The following TMC6 variants were observed in gnomAD, a reference collection of about 807,000 sequenced individuals.
TMC6 encodes the protein transmembrane channel like 6, also known as transmembrane channel-like protein 6.
In TMC6, 71 loss-of-function variants were observed where a neutral mutation model predicts 95.4. The ratio of observed to expected loss-of-function variants is 0.74; its 90% confidence interval spans 0.61 to 0.91. The LOEUF is 0.91. TMC6 is among the 40% of genes least tolerant of loss of function. The probability of loss-of-function intolerance (pLI) is 0.00; values close to 1 mark genes in which losing one functional copy is unlikely to be tolerated. For synonymous variants in TMC6, 514 were observed against 483.1 expected, an observed-to-expected ratio of 1.06 and a Z score of -0.84; for missense variants, 1,074 against 1,079.1, an observed-to-expected ratio of 1.00 and a Z score of 0.07.
At chr17:78,116,633 C>A (rs1424021877) in intron 18 of TMC6, among the ~76,000 whole-genome samples, 2 of 152,088 alleles carry the variant, frequency 1.3e-5, no homozygotes, top group African/African-American at 4.8e-5. Flanking sequence ...TGCCTATAAT[C>A]CTAGCACTTT....
rs1262568463 is a variant in TMC6, at chr17:78,120,645, C to A, written c.1715+8G>T. 6.2e-6 allele frequency: 10 copies of A among 1,613,910 alleles called. No homozygotes were observed. Among genetic ancestry groups the A allele is most frequent in the Non-Finnish European group, 5.9e-6 (7 of 1,180,024 alleles). ...ACTCACCACCCAGTCCGCCCAGGACCCCCTCACCTCCACACCAGTTCCCCA... is the reference window on the plus strand; with the variant it reads ...ACTCACCACCCAGTCCGCCCAGGACACCCTCACCTCCACACCAGTTCCCCA... On this transcript the variant is annotated splice_region_variant and intron_variant, in intron 13 of 19. Coordinates refer to ENST00000590602, the MANE Select transcript of TMC6 (RefSeq NM_001127198.5).
chr17:78,126,319 C>A lies in TMC6; in HGVS notation c.229G>T (p.Ala77Ser). The A allele has an allele frequency of 1.3e-6, 2 of 1,573,172 alleles. No homozygotes were observed. Among genetic ancestry groups the A allele is most frequent in the Non-Finnish European group, 8.6e-7 (1 of 1,164,012 alleles). ...ATGCTGGCCAGGATGCGGAGTGTGGCCGTGCTCTGGGTGCCCTCGGGCCGC... is the reference window on the plus strand; with the variant it reads ...ATGCTGGCCAGGATGCGGAGTGTGGACGTGCTCTGGGTGCCCTCGGGCCGC... ...LWRPEGTQST[A>S]TLRILASMPS... The change falls in exon 4 of 20, where the codon GCC (alanine) becomes TCC (serine). Residue 77 changes from alanine to serine, a missense_variant. Ala to Ser is a moderately conservative substitution (Grantham distance 99). Transcript: ENST00000590602.
chr17:78,132,093 AAAAGGAG>A, upstream of TMC6: 3 of 1,533,188 alleles, frequency 2.0e-6, no homozygotes, highest in Non-Finnish European at 2.6e-6. Context: ...CCAGATCGGA[AAAAGGAG>A]AGTGGCATCA....
At chr17:78,119,161 G>A in intron 14 of TMC6, 115 bp from the exon 15 acceptor site, 2 of 1,494,956 alleles carry the variant, frequency 1.3e-6, no homozygotes, top group Non-Finnish European at 9.3e-7. Context: ...AGTCCCCGGG[G>A]TTAGGGTCTG....
At position 78,113,973 on chromosome 17, in the gene TMC6, GATA is replaced by G. The variant is rs1473324637; in HGVS notation, c.2278-352_2278-350del. 1.3e-5 allele frequency: 5 copies of G among 377,344 alleles called. No homozygotes were observed. In the East Asian group the frequency reaches 3.2e-4, roughly 24 times the overall value. 23.4% of individuals were successfully genotyped at this position (377,344 alleles called of 1,614,324 possible). On this transcript the variant is annotated intron_variant, in intron 18 of 19. Coordinates refer to ENST00000590602, the MANE Select transcript of TMC6 (RefSeq NM_001127198.5). ...CTCAGTGGCAGCATCTGTAAAGGGG[GATA>G]ATAACACAAGGCACAGGGTTTACAT...
chr17:78,131,448 G>GGC, upstream of TMC6: 1 of 1,242,030 alleles, frequency 8.1e-7, no homozygotes, highest in Admixed American at 2.1e-5. Context: ...CCCCGACGCC[G>GGC]GCGCAGAGGG....
upstream of TMC6, chr17:78,132,308 G>A: frequency 6.2e-7 from 1 of 1,605,658 alleles, no homozygotes; most frequent in Non-Finnish European, 8.5e-7. Context: ...TCTCAGCGCG[G>A]CCCCAGCCCC....
chr17:78,116,446 A>C (rs1313362069), intron 18 of TMC6, among the ~76,000 whole-genome samples: 1 of 151,344 alleles, frequency 6.6e-6, no homozygotes, highest in Non-Finnish European at 1.5e-5. Flanking sequence ...CTAACTTTTA[A>C]AATTTTTATA....
chr17:78,129,938 A>G (rs551868527), upstream of TMC6, among the ~76,000 whole-genome samples: 13 of 152,144 alleles, frequency 8.5e-5, no homozygotes, highest in Non-Finnish European at 1.8e-4. This position sits in a 1 kb window ranked among gnomAD's most constrained non-coding sequence, Gnocchi z 4.3. Flanking sequence ...GCCCAGCACC[A>G]GCACATAGCT....
At chr17:78,124,233 CCTCAGGCCT>C in intron 8 of TMC6, 54 bp from the exon 9 acceptor site, 1 of 1,601,916 alleles carries the variant, frequency 6.2e-7, no homozygotes, top group East Asian at 2.2e-5. Flanking sequence ...CCCACCCGAC[CCTCAGGCCT>C]GACAGCCACA....
At chr17:78,131,767 G>A (rs775747124), upstream of TMC6, 5 of 1,561,576 alleles carry the variant, frequency 3.2e-6, no homozygotes, top group East Asian at 4.7e-5. Context: ...CAGACGGTGC[G>A]TGGGGGGGGT....
Position 78,107,964 on chromosome 17 carries a change from T to A in TMC6, c.*5184A>T, listed in dbSNP as rs1040483715. The A allele has an allele frequency of 5.9e-5, 9 of 152,206 alleles. No homozygotes were observed. The highest frequency in any genetic ancestry group is 1.2e-4 in the Non-Finnish European group (8 of 68,044). The allele number at this position is 152,206 out of a possible 1,614,324, so 9.4% of individuals were successfully genotyped here. On this transcript the variant is annotated 3_prime_UTR_variant, in exon 20 of 20. Coordinates refer to ENST00000590602, the MANE Select transcript of TMC6 (RefSeq NM_001127198.5). ...CAAGCACTTTGAGCACAGTGGAACT[T>A]CAGAAGCACAACCAGCCTAACCCCA...
At chr17:78,119,531 CCA>C (rs1474015811) in intron 13 of TMC6, 139 bp from the exon 14 acceptor site, 1 of 878,144 alleles carries the variant, frequency 1.1e-6, no homozygotes, top group African/African-American at 1.7e-5. Context: ...GAAGAGACAG[CCA>C]CCAGCCTGGG....
In TMC6 at chr17:78,121,755, GCA is replaced by G. The variant is rs1347455904; in HGVS notation, c.1228-46_1228-45del. 1 of 1,540,884 alleles carries G rather than the reference GCA, an allele frequency of 6.5e-7. No individual in the cohort carries two copies. Among genetic ancestry groups the G allele is most frequent in the Non-Finnish European group, 8.7e-7 (1 of 1,147,664 alleles). ...CCCCGTCACCCACACCAGAGCACGGGCACACGCAGACGTGCAGACACAGCACA... is the reference window on the plus strand; with the variant it reads ...CCCCGTCACCCACACCAGAGCACGGGCACGCAGACGTGCAGACACAGCACA... On this transcript the variant is annotated intron_variant, in intron 10 of 19. Transcript: ENST00000590602. This position sits in a 1 kb window ranked among gnomAD's most constrained non-coding sequence, Gnocchi z 5.6.
chr17:78,119,640 T>C, intron 13 of TMC6: 1 of 550,614 alleles, frequency 1.8e-6, no homozygotes, highest in Non-Finnish European at 3.3e-6. Context: ...CACCAAATGA[T>C]TTTTTCTTTT....
At chr17:78,118,840 GC>G (rs1277101894) in intron 15 of TMC6, 130 bp downstream of exon 15, 12 of 1,010,944 alleles carry the variant, frequency 1.2e-5, no homozygotes, top group African/African-American at 1.6e-5. Context: ...GGCCAGGGCA[GC>G]CCCGAGCCGC....
Position 78,108,086 on chromosome 17 carries a change from G to T in TMC6, c.*5062C>A, listed in dbSNP as rs1292641663. On this transcript the variant is annotated 3_prime_UTR_variant, in exon 20 of 20. Transcript: ENST00000590602. ...TCAGTGCCACCGGGTTGGCATTGGT[G>T]TTACAGACAGGCCTCTGAAGACAAA... 2 of 152,236 alleles carry T rather than the reference G, an allele frequency of 1.3e-5. No individual in the cohort carries two copies. Among genetic ancestry groups the T allele is most frequent in the African/African-American group, 2.4e-5 (1 of 41,446 alleles). The allele number at this position is 152,236 out of a possible 1,614,324, so 9.4% of individuals were successfully genotyped here. A position where few individuals can be genotyped will look rare whatever the true frequency, so the allele number is the denominator to read the frequency against.
chr17:78,127,585 A>G (rs2074788392), intron 1 of TMC6, among the ~76,000 whole-genome samples: 1 of 152,204 alleles, frequency 6.6e-6, no homozygotes, highest in South Asian at 2.1e-4. Context: ...AACTGGAACC[A>G]GAGCAGCCTT....
chr17:78,126,329 G>C lies in TMC6; in HGVS notation c.219C>G (p.Thr73=). 6.3e-7 allele frequency: 1 copy of C among 1,577,646 alleles called. No individual in the cohort carries two copies. Among genetic ancestry groups the C allele is most frequent in the Non-Finnish European group, 8.6e-7 (1 of 1,166,516 alleles). ...GGATGCGGAGTGTGGCCGTGCTCTGGGTGCCCTCGGGCCGCCAGAGTGTCT... is the reference window on the plus strand; with the variant it reads ...GGATGCGGAGTGTGGCCGTGCTCTGCGTGCCCTCGGGCCGCCAGAGTGTCT... The part of the protein sequence containing the change: ...SQQTLWRPEG[T]QSTATLRILA... Residue 73 remains threonine, a synonymous_variant, in exon 4 of 20, where the codon ACC becomes ACG. Transcript: ENST00000590602.
Sources: allele counts gnomAD v4.1 joint callset (sites outside exome capture counted in the v4.1 genomes callset), GRCh38; gene constraint gnomAD v4.1.1; non-coding constraint Gnocchi (gnomAD v3.1); transcripts MANE v1.5; gene names NCBI Gene and HGNC (gene_info 2026-07-23, HGNC 2026-07-21).